Variants in VCL observed in about 807,000 individuals in gnomAD.
The protein encoded by VCL is epididymis luminal protein 114.
In VCL, 47 loss-of-function variants were observed where a neutral mutation model predicts 125.7. The ratio of observed to expected loss-of-function variants is 0.37; its 90% CI spans 0.30 to 0.48. The LOEUF is 0.48. Ranked by LOEUF, VCL falls within the 20% of genes least tolerant of loss-of-function variation. The pLI is 0.99. For synonymous variants in VCL, 458 were observed against 514.6 expected (o/e 0.89, Z 1.49); for missense variants, 1,069 against 1,455.5 (o/e 0.73, Z 4.32).
intron 1 of VCL, among the ~76,000 whole-genome samples, chr10:73,998,693 A>G (rs2136218619): frequency 6.6e-6 from 1 of 152,342 alleles, no homozygotes. Context: ...CAGACACCCA[A>G]TAAATGAGAG....
At chr10:74,048,906 G>A (rs903011149) in intron 2 of VCL, among the ~76,000 whole-genome samples, 3 of 152,098 alleles carry the variant, frequency 2.0e-5, no homozygotes, top group African/African-American at 7.2e-5. Context: ...GGATTGTGAG[G>A]TCAGGAGATC....
intron 16 of VCL, among the ~76,000 whole-genome samples, chr10:74,106,768 C>T (rs887901105): frequency 6.6e-5 from 10 of 152,272 alleles, no homozygotes; most frequent in African/African-American, 2.4e-4. Context: ...CAGAGTAGCG[C>T]AGCTCAGCAT....
chr10:74,008,441 C>T (rs537768248), intron 1 of VCL, among the ~76,000 whole-genome samples: 8 of 152,216 alleles, frequency 5.3e-5, no homozygotes, highest in South Asian at 2.1e-4. Flanking sequence ...CTGAAAGTGG[C>T]GTTGGGATTT....
intron 1 of VCL, among the ~76,000 whole-genome samples, chr10:74,029,269 A>G (rs1840828989): frequency 6.6e-6 from 1 of 151,512 alleles, no homozygotes; most frequent in South Asian, 2.1e-4. Context: ...GCCCACCATC[A>G]TGCCCGGCTA....
intron 5 of VCL, among the ~76,000 whole-genome samples, chr10:74,073,599 C>G (rs1463576517): frequency 6.6e-6 from 1 of 152,120 alleles, no homozygotes; most frequent in Non-Finnish European, 1.5e-5. Flanking sequence ...GTGTATTAAT[C>G]CAATTTTTCC....
chr10:74,106,721 A>C (rs879722236), intron 16 of VCL, among the ~76,000 whole-genome samples: 1 of 152,232 alleles, frequency 6.6e-6, no homozygotes, highest in Non-Finnish European at 1.5e-5. Context: ...TGGAGTTTCT[A>C]ATAGTAGAGT....
In VCL at chr10:74,097,180, T is replaced by C. The variant is rs748313121; in HGVS notation, c.1744-24T>C. The C allele has an allele frequency of 1.9e-6, 3 of 1,612,218 alleles. No individual in the cohort carries two copies. In the Admixed American group the frequency reaches 5.0e-5, roughly 27 times the overall value. On this transcript the variant is annotated intron_variant, in intron 12 of 21. Transcript: ENST00000211998. This position sits in a 1 kb window ranked among gnomAD's most constrained non-coding sequence, Gnocchi z 4.1. ...GCTTTGAGGATGTATCTGGACATTTTCATATGTAAACAATGTTTTTAAGGA... is the reference window on the plus strand; with the variant it reads ...GCTTTGAGGATGTATCTGGACATTTCCATATGTAAACAATGTTTTTAAGGA...
chr10:74,026,079 A>G (rs1379416201), intron 1 of VCL, among the ~76,000 whole-genome samples: 1 of 152,234 alleles, frequency 6.6e-6, no homozygotes, highest in Non-Finnish European at 1.5e-5. Flanking sequence ...TTTATTATGC[A>G]GATGGTTCTC....
chr10:74,090,687 C>T (rs1367833441), intron 10 of VCL, among the ~76,000 whole-genome samples: 4 of 152,144 alleles, frequency 2.6e-5, no homozygotes, highest in South Asian at 2.1e-4. Context: ...AATTACATTT[C>T]CTGGATGATT....
intron 5 of VCL, among the ~76,000 whole-genome samples, chr10:74,074,414 G>A (rs1042332789): frequency 1.3e-5 from 2 of 152,182 alleles, no homozygotes; most frequent in African/African-American, 4.8e-5. Context: ...GTAGTAGATG[G>A]AGCCAGGGTG....
At chr10:74,115,732 A>T (rs1840302380) in intron 21 of VCL, among the ~76,000 whole-genome samples, 1 of 152,240 alleles carries the variant, frequency 6.6e-6, no homozygotes, top group Non-Finnish European at 1.5e-5. Flanking sequence ...GCTGAAACTG[A>T]AATGACAGCT....
At chr10:74,105,662 T>C (rs1840120510) in intron 16 of VCL, among the ~76,000 whole-genome samples, 2 of 152,174 alleles carry the variant, frequency 1.3e-5, no homozygotes, top group Non-Finnish European at 2.9e-5. Context: ...GTTCTAGCGA[T>C]TCTCCTACCT....
chr10:74,102,423 T>C (rs1840075482), intron 14 of VCL, among the ~76,000 whole-genome samples: 1 of 152,214 alleles, frequency 6.6e-6, no homozygotes, highest in Non-Finnish European at 1.5e-5. Context: ...TTTAGTGTGA[T>C]GTTTGTGCAA....
Position 74,071,228 on chromosome 10 carries a change from G to A in VCL, c.499+145G>A, listed in dbSNP as rs2136273045. 1 of 756,984 alleles carries A rather than the reference G, an allele frequency of 1.3e-6. No individual in the cohort carries two copies. The highest frequency in any genetic ancestry group is 2.7e-5 in the East Asian group (1 of 37,388). 46.9% of individuals were successfully genotyped at this position (756,984 alleles called of 1,614,324 possible). Reference sequence around the variant, plus strand: ...TGTCTGCTCTGTTGATGGAGATGATGCTGTGCTTTGAGGTGATGTCATTAT... The same window carrying A: ...TGTCTGCTCTGTTGATGGAGATGATACTGTGCTTTGAGGTGATGTCATTAT... On this transcript the variant is annotated intron_variant, in intron 4 of 21. Transcript: ENST00000211998. The surrounding 1 kb of genome is among the most constrained non-coding windows in gnomAD (Gnocchi z 4.1).
At chr10:74,057,555 CTTATA>C (rs1005627556) in intron 2 of VCL, among the ~76,000 whole-genome samples, 3 of 152,066 alleles carry the variant, frequency 2.0e-5, no homozygotes, top group African/African-American at 7.2e-5. Context: ...TCACTCAGGC[CTTATA>C]TTATGAAGGG....
At chr10:74,093,917 A>G (rs982742491) in intron 10 of VCL, among the ~76,000 whole-genome samples, 4 of 152,208 alleles carry the variant, frequency 2.6e-5, no homozygotes, top group African/African-American at 9.7e-5. Context: ...TGCTCCTACA[A>G]CAAACATGGC....
At chr10:74,034,587 G>T (rs953517774) in intron 1 of VCL, among the ~76,000 whole-genome samples, 2 of 152,206 alleles carry the variant, frequency 1.3e-5, no homozygotes, top group Non-Finnish European at 2.9e-5. Context: ...GAACAACAAG[G>T]ACTGAGTCTC....
At position 74,105,346 on chromosome 10, in the gene VCL, C is replaced by T. The variant is rs183739128; in HGVS notation, c.2427C>T (p.Ser809=). 57 of 1,612,200 alleles carry T rather than the reference C, an allele frequency of 3.5e-5. No individual in the cohort carries two copies. The African/African-American group carries it at 5.1e-4, about 14-fold the overall frequency. ...CAAAAGCTGTGGCTGGAAACATTTC[C>T]GACCCTGGTAAGCAATGCATGGCAC... is the stretch of plus-strand genomic sequence containing the variant. The part of the protein sequence containing the change: ...MDAKAVAGNI[S]DPGLQKSFLD... Residue 809 remains serine, a synonymous_variant, in exon 16 of 22, where the codon TCC becomes TCT. Transcript: ENST00000211998.
chr10:74,037,116 T>G (rs529435365), intron 1 of VCL, among the ~76,000 whole-genome samples: 1 of 152,264 alleles, frequency 6.6e-6, no homozygotes, highest in Admixed American at 6.5e-5. Context: ...TTCACCGTGT[T>G]AGCCACGATG....
Sources: gnomAD v4.1 joint callset for allele counts (sites outside exome capture counted in the v4.1 genomes callset) on GRCh38, gnomAD v4.1.1 for gene constraint, Gnocchi (gnomAD v3.1) non-coding constraint, MANE v1.5 for transcripts, NCBI Gene and HGNC (gene_info 2026-07-23, HGNC 2026-07-21) for gene names.